Variants in ANKRD30BL observed in about 807,000 individuals in gnomAD.
ANKRD30BL encodes ankyrin repeat domain 30B like, also known as putative ankyrin repeat domain-containing protein 30B-like.
Under a neutral mutation model 18.4 loss-of-function variants are expected in ANKRD30BL, and 20 were observed. The observed-to-expected ratio is 1.09, with a 90% CI of 0.77 to 1.58. The LOEUF (loss-of-function observed/expected upper bound fraction) is 1.58, where lower values mean the gene tolerates loss of function less well. Ranked by LOEUF, ANKRD30BL falls within the 40% of genes most tolerant of loss-of-function variation. The probability of loss-of-function intolerance (pLI) is 0.00; values close to 1 mark genes in which losing one functional copy is unlikely to be tolerated. For missense variants in ANKRD30BL, 224 were observed against 268.6 expected (o/e 0.83, Z 1.16); for synonymous variants, 72 against 100.9 (o/e 0.71, Z 1.72).
chr2:132,173,404 A>G (rs1031917013), intron 1 of ANKRD30BL, among the ~76,000 whole-genome samples: 2 of 148,552 alleles, frequency 1.3e-5, no homozygotes, highest in Non-Finnish European at 3.0e-5. Flanking sequence ...GGTTCATGCC[A>G]TTCTCCTACC....
intron 1 of ANKRD30BL, among the ~76,000 whole-genome samples, chr2:132,220,809 C>T (rs544397116): frequency 6.6e-6 from 1 of 151,694 alleles, no homozygotes; most frequent in African/African-American, 2.4e-5. Flanking sequence ...TGAGGAGCGT[C>T]TCTGCCTGGC....
Position 132,216,336 on chromosome 2 carries a change from C to T in ANKRD30BL, n.441+41193G>A, listed in dbSNP as rs562226602. On this transcript the variant is annotated intron_variant and non_coding_transcript_variant, in intron 1 of 4. Transcript: ENST00000470729. ...GATATTTGGAGCACTTTTAGGCCTA[C>T]GGTGGAAAAGGAAATATCTTCACAT... 4.2e-3 allele frequency among the ~76,000 whole-genome samples: 639 copies of T among 151,284 alleles called. 5 individuals are homozygous for T. The highest frequency in any genetic ancestry group is 0.014 in the African/African-American group (564 of 41,316).
At chr2:132,164,886 C>T (rs1213760846), upstream of ANKRD30BL, among the ~76,000 whole-genome samples, 16 of 151,986 alleles carry the variant, frequency 1.1e-4, no homozygotes, top group African/African-American at 3.4e-4. Context: ...CCTGGCTACA[C>T]GGTGAAACCC....
intron 1 of ANKRD30BL, among the ~76,000 whole-genome samples, chr2:132,200,711 C>G (rs1679080763): frequency 6.6e-6 from 1 of 152,080 alleles, no homozygotes; most frequent in African/African-American, 2.4e-5. Flanking sequence ...TGAAAATGGC[C>G]ATACTGCCCA....
chr2:132,184,729 G>C (rs1688534711), intron 1 of ANKRD30BL, among the ~76,000 whole-genome samples: 1 of 150,834 alleles, frequency 6.6e-6, no homozygotes, highest in Non-Finnish European at 1.5e-5. Flanking sequence ...TTTGTGACTT[G>C]GATTTGTTTT....
intron 1 of ANKRD30BL, among the ~76,000 whole-genome samples, chr2:132,213,927 G>A (rs1452642469): frequency 6.6e-6 from 1 of 151,856 alleles, no homozygotes; most frequent in African/African-American, 2.4e-5. Context: ...CACTCTTTTT[G>A]TAGAATCTGT....
At chr2:132,216,022 G>A (rs1481155021) in intron 1 of ANKRD30BL, among the ~76,000 whole-genome samples, 1 of 151,316 alleles carries the variant, frequency 6.6e-6, no homozygotes. Context: ...GGCCTATGGT[G>A]GAAAAGGAAA....
chr2:132,236,716 G>A (rs1297115983), intron 1 of ANKRD30BL, among the ~76,000 whole-genome samples: 2 of 152,184 alleles, frequency 1.3e-5, no homozygotes, highest in Admixed American at 6.6e-5. Flanking sequence ...AGTCAGTGTG[G>A]TGATCCCTCA....
chr2:132,148,862 A>G (rs1379876797), intron 5 of ANKRD30BL, among the ~76,000 whole-genome samples: 2 of 152,226 alleles, frequency 1.3e-5, no homozygotes, highest in Non-Finnish European at 2.9e-5. Flanking sequence ...TACCTTAATA[A>G]ACTAGTAAAT....
chr2:132,241,060 C>G (rs1573882002), intron 1 of ANKRD30BL, among the ~76,000 whole-genome samples: 1 of 151,748 alleles, frequency 6.6e-6, no homozygotes, highest in Non-Finnish European at 1.5e-5. Flanking sequence ...TGCTTTCATT[C>G]AACTCACGGA....
intron 1 of ANKRD30BL, among the ~76,000 whole-genome samples, chr2:132,207,515 C>A (rs539014269): frequency 3.7e-4 from 56 of 151,268 alleles, no homozygotes; most frequent in Middle Eastern, 3.4e-3. Context: ...AGGTCCTCCA[C>A]GTGAATTGGT....
At chr2:132,223,779 G>GA (rs1485372049) in intron 1 of ANKRD30BL, among the ~76,000 whole-genome samples, 4 of 152,076 alleles carry the variant, frequency 2.6e-5, no homozygotes, top group Admixed American at 2.6e-4. Flanking sequence ...GCCTACAGTG[G>GA]AAAAGGAAAT....
chr2:132,184,070 G>T (rs1352207288), intron 1 of ANKRD30BL, among the ~76,000 whole-genome samples: 2 of 151,936 alleles, frequency 1.3e-5, no homozygotes, highest in Admixed American at 6.6e-5. Context: ...AGGGGATAAA[G>T]GAATCAAGAT....
chr2:132,188,787 T>C (rs953012614), intron 1 of ANKRD30BL, among the ~76,000 whole-genome samples: 1 of 152,154 alleles, frequency 6.6e-6, no homozygotes. Flanking sequence ...ATCCAATACC[T>C]GTAACCTAGA....
intron 1 of ANKRD30BL, among the ~76,000 whole-genome samples, chr2:132,254,043 G>A (rs1234988065): frequency 6.6e-6 from 1 of 151,130 alleles, no homozygotes; most frequent in Non-Finnish European, 1.5e-5. Flanking sequence ...ACCCCACCGT[G>A]ACGCCGAGAA....
chr2:132,198,409 T>C lies in ANKRD30BL; in HGVS notation n.442-41263A>G, dbSNP rs1377436807. ...AGCGATCTCGGCTCACTGCAAGCTC[T>C]GCCTCCCGGGTTCACACCATTCTCC... On this transcript the variant is annotated intron_variant and non_coding_transcript_variant, in intron 1 of 4. Coordinates refer to the ANKRD30BL transcript ENST00000470729. Among the ~76,000 whole-genome samples, 19 of 147,826 alleles carry C rather than the reference T, an allele frequency of 1.3e-4. 1 individual carries two copies. In the East Asian group the frequency reaches 2.3e-3, roughly 18 times the overall value.
At chr2:132,216,578 C>T (rs1679503406) in intron 1 of ANKRD30BL, among the ~76,000 whole-genome samples, 1 of 152,062 alleles carries the variant, frequency 6.6e-6, no homozygotes, top group African/African-American at 2.4e-5. Flanking sequence ...GTGATGTGTG[C>T]AGTCATCTCA....
intron 1 of ANKRD30BL, among the ~76,000 whole-genome samples, chr2:132,255,282 T>C (rs1680798736): frequency 6.6e-6 from 1 of 152,074 alleles, no homozygotes; most frequent in Admixed American, 6.5e-5. Flanking sequence ...CCCCCGGCCG[T>C]CCCTCTTAAT....
At chr2:132,212,170 C>G (rs1407062720) in intron 1 of ANKRD30BL, among the ~76,000 whole-genome samples, 3 of 151,580 alleles carry the variant, frequency 2.0e-5, no homozygotes. Context: ...TTTTATTTAG[C>G]TGCTTTCAAA....
Sources: allele counts gnomAD v4.1 joint callset (sites outside exome capture counted in the v4.1 genomes callset), GRCh38; gene constraint gnomAD v4.1.1; transcripts MANE v1.5; gene names NCBI Gene and HGNC (gene_info 2026-07-23, HGNC 2026-07-21).